The following SAV1 variants were observed in gnomAD, a reference collection of about 807,000 sequenced individuals.
SAV1 encodes protein salvador homolog 1.
A neutral mutation model predicts 47.3 loss-of-function variants in SAV1; 23 were observed. The ratio of observed to expected loss-of-function variants is 0.49; its 90% CI spans 0.35 to 0.69. The LOEUF (loss-of-function observed/expected upper bound fraction) is 0.69, where lower values mean the gene tolerates loss of function less well. Among genes scored for constraint, SAV1 ranks in the 30% least tolerant of loss-of-function variants. The pLI is 0.01. For missense variants in SAV1, 448 were observed against 457.4 expected, an observed-to-expected ratio of 0.98 and a Z score of 0.19; for synonymous variants, 155 against 159.2, an observed-to-expected ratio of 0.97 and a Z score of 0.20.
At chr14:50,662,262 G>A (rs112596722) in intron 2 of SAV1, among the ~76,000 whole-genome samples, 1,598 of 152,178 alleles carry the variant, frequency 0.011, 24 homozygotes, top group African/African-American at 0.036. Flanking sequence ...TCCGCCTCCC[G>A]GGTTCACACC....
At chr14:50,642,301 C>T (rs1238589189) in intron 3 of SAV1, among the ~76,000 whole-genome samples, 1 of 151,970 alleles carries the variant, frequency 6.6e-6, no homozygotes, top group Non-Finnish European at 1.5e-5. Flanking sequence ...CCAGCCTGGC[C>T]AACATGCAGA....
In SAV1 at chr14:50,637,664, G is replaced by GTTTTTTTTTTTT. The variant is rs373647297; in HGVS notation, c.951-2292_951-2281dup. ...AAAAAATCTTCAAACAATTTTGTCA[G>GTTTTTTTTTTTT]TTTTTTTTTTTTTTTTTTTTTTTTT... is the stretch of plus-strand genomic sequence containing the variant. On this transcript the variant is annotated intron_variant, in intron 4 of 4. Coordinates refer to ENST00000324679, the MANE Select transcript of SAV1 (RefSeq NM_021818.4). The GTTTTTTTTTTTT allele has an allele frequency of 1.8e-3, 102 of 58,268 alleles. 6 individuals carry two copies. Among genetic ancestry groups the GTTTTTTTTTTTT allele is most frequent in the African/African-American group, 4.1e-3 (96 of 23,138 alleles). 3.6% of individuals were successfully genotyped at this position (58,268 alleles called of 1,614,324 possible).
intron 2 of SAV1, among the ~76,000 whole-genome samples, chr14:50,647,794 A>G (rs921353189): frequency 1.3e-5 from 2 of 152,236 alleles, no homozygotes; most frequent in African/African-American, 4.8e-5. Flanking sequence ...TGACAATGCA[A>G]GTGCTTACAT....
chr14:50,649,824 C>CA (rs1330502927), intron 2 of SAV1, among the ~76,000 whole-genome samples: 1 of 152,166 alleles, frequency 6.6e-6, no homozygotes, highest in Non-Finnish European at 1.5e-5. Flanking sequence ...CCAGTCAACC[C>CA]AAGGCCCTAA....
intron 3 of SAV1, among the ~76,000 whole-genome samples, chr14:50,644,243 C>T (rs576971811): frequency 9.2e-5 from 14 of 152,322 alleles, no homozygotes; most frequent in African/African-American, 2.9e-4. Context: ...CAAAGAATTA[C>T]TGGCTATATT....
At chr14:50,655,313 T>C (rs1242488745) in intron 2 of SAV1, among the ~76,000 whole-genome samples, 1 of 152,216 alleles carries the variant, frequency 6.6e-6, no homozygotes, top group Non-Finnish European at 1.5e-5. Flanking sequence ...GTCAATTCAG[T>C]GTATTTATAT....
chr14:50,658,859 A>C (rs2039834582), intron 2 of SAV1, among the ~76,000 whole-genome samples: 1 of 152,024 alleles, frequency 6.6e-6, no homozygotes, highest in Non-Finnish European at 1.5e-5. Flanking sequence ...TCTCATATTC[A>C]GATTTTTCCC....
chr14:50,640,134 C>T (rs2039669667), intron 4 of SAV1, among the ~76,000 whole-genome samples: 1 of 152,014 alleles, frequency 6.6e-6, no homozygotes, highest in Non-Finnish European at 1.5e-5. Context: ...CAGGCATACA[C>T]CACAGCATGC....
At chr14:50,645,134 G>C (rs1167508835) in intron 2 of SAV1, 120 bp from the exon 3 acceptor site, 1 of 818,540 alleles carries the variant, frequency 1.2e-6, no homozygotes, top group Non-Finnish European at 1.9e-6. Flanking sequence ...TTAAATTCAT[G>C]ATTATGCCCA....
At chr14:50,655,706 G>A (rs924120275) in intron 2 of SAV1, among the ~76,000 whole-genome samples, 11 of 152,008 alleles carry the variant, frequency 7.2e-5, no homozygotes, top group African/African-American at 1.2e-4. Flanking sequence ...GATTCCAGGC[G>A]TGAGCCACTA....
chr14:50,664,428 G>T (rs1182659996), intron 2 of SAV1: 1 of 151,932 alleles, frequency 6.6e-6, no homozygotes, highest in Non-Finnish European at 1.5e-5. Flanking sequence ...AATCAGACAA[G>T]AAAGTTTAAT....
rs182264456 is a variant in SAV1, at chr14:50,640,649, T to C, written c.950+101A>G. Reference sequence around the variant, plus strand: ...GTATTACTTAGAAGCCGAATATTATTAAGAGTAAAATATGGCACACTACTT... The same window carrying C: ...GTATTACTTAGAAGCCGAATATTATCAAGAGTAAAATATGGCACACTACTT... On this transcript the variant is annotated intron_variant, in intron 4 of 4. Transcript: ENST00000324679. 51 of 999,290 alleles carry C rather than the reference T, an allele frequency of 5.1e-5. No individual in the cohort carries two copies. The Admixed American group carries it at 9.9e-4, about 19-fold the overall frequency. The allele number at this position is 999,290 out of a possible 1,614,324, so 61.9% of individuals were successfully genotyped here.
intron 3 of SAV1, among the ~76,000 whole-genome samples, chr14:50,643,679 T>G (rs925050013): frequency 5.3e-5 from 8 of 152,236 alleles, no homozygotes; most frequent in African/African-American, 1.9e-4. Flanking sequence ...ACCACAGGTT[T>G]GATTCTTTCA....
intron 4 of SAV1, chr14:50,637,602 C>T (rs755846304): frequency 9.4e-5 from 14 of 148,980 alleles, no homozygotes; most frequent in Non-Finnish European, 1.6e-4. Flanking sequence ...ACACGAATAT[C>T]ATTCTGTATA....
At chr14:50,642,145 A>G (rs911796911) in intron 3 of SAV1, among the ~76,000 whole-genome samples, 2 of 152,164 alleles carry the variant, frequency 1.3e-5, no homozygotes, top group African/African-American at 4.8e-5. Flanking sequence ...GGTAGGAGCT[A>G]AACACTGAGT....
chr14:50,637,878 C>T (rs907949808), intron 4 of SAV1: 1 of 152,114 alleles, frequency 6.6e-6, no homozygotes, highest in African/African-American at 2.4e-5. Context: ...AGAGTACAGA[C>T]ATCCGACTGG....
intron 3 of SAV1, among the ~76,000 whole-genome samples, chr14:50,643,351 AG>A (rs2039695484): frequency 6.6e-6 from 1 of 152,212 alleles, no homozygotes; most frequent in African/African-American, 2.4e-5. Flanking sequence ...GGGAGGCCTC[AG>A]GAAACTTAAA....
At chr14:50,658,417 T>G (rs1005382539) in intron 2 of SAV1, among the ~76,000 whole-genome samples, 1 of 152,182 alleles carries the variant, frequency 6.6e-6, no homozygotes, top group African/African-American at 2.4e-5. Context: ...ATACAGTAAG[T>G]GCGTGACTGG....
intron 2 of SAV1, among the ~76,000 whole-genome samples, chr14:50,649,376 C>T (rs1251627848): frequency 6.6e-6 from 1 of 152,194 alleles, no homozygotes; most frequent in African/African-American, 2.4e-5. Context: ...CATCTCCAGT[C>T]TCTAGAACAG....
Sources: allele counts gnomAD v4.1 joint callset (sites outside exome capture counted in the v4.1 genomes callset), GRCh38; gene constraint gnomAD v4.1.1; transcripts MANE v1.5; gene names NCBI Gene and HGNC (gene_info 2026-07-23, HGNC 2026-07-21).